Variants in AKR1C8 observed in about 807,000 individuals in gnomAD.
AKR1C8 encodes aldo-keto reductase family 1 member C8.
the AKR1C8 span, among the ~76,000 whole-genome samples, chr10:5,148,274 A>C: frequency 8.8e-4 from 134 of 152,216 alleles, 1 homozygote; most frequent in African/African-American, 3.1e-3. Context: ...GGGAAGGAGG[A>C]AAGTAAAAAT....
At chr10:5,143,773 T>A in the AKR1C8 span, among the ~76,000 whole-genome samples, 1 of 149,498 alleles carries the variant, frequency 6.7e-6, no homozygotes, top group African/African-American at 2.4e-5. Flanking sequence ...GATTTCTGTT[T>A]CTTTGGAGAA....
At chr10:5,153,747 G>A in the AKR1C8 span, among the ~76,000 whole-genome samples, 9 of 152,030 alleles carry the variant, frequency 5.9e-5, no homozygotes, top group South Asian at 2.1e-4. Context: ...GGTAAAGACC[G>A]CCCCTATGAT....
chr10:5,133,080 TTATTATTAC>T, the AKR1C8 span, among the ~76,000 whole-genome samples: 1 of 152,048 alleles, frequency 6.6e-6, no homozygotes, highest in Non-Finnish European at 1.5e-5. Flanking sequence ...AATATAGTCT[TTATTATTAC>T]TATTATTATT....
chr10:5,119,501 G>T, the AKR1C8 span, among the ~76,000 whole-genome samples: 2 of 152,122 alleles, frequency 1.3e-5, no homozygotes, highest in Non-Finnish European at 2.9e-5. Context: ...AATTATTCTG[G>T]AATGGATGAA....
chr10:5,155,497 C>G, the AKR1C8 span: 61 of 289,634 alleles, frequency 2.1e-4, no homozygotes, highest in South Asian at 2.0e-3. Flanking sequence ...AGACACATTT[C>G]TGCTGGGTCA....
At chr10:5,129,751 C>CA in the AKR1C8 span, among the ~76,000 whole-genome samples, 1 of 151,974 alleles carries the variant, frequency 6.6e-6, no homozygotes, top group East Asian at 1.9e-4. Flanking sequence ...AGACCAATAA[C>CA]AAGCACCAAG....
the AKR1C8 span, among the ~76,000 whole-genome samples, chr10:5,158,884 C>T: frequency 0.53 from 80,156 of 152,068 alleles, 22,129 homozygotes; most frequent in Non-Finnish European, 0.6. Flanking sequence ...TCATTTGCCA[C>T]ACTGATACAG....
At chr10:5,116,423 G>A in the AKR1C8 span, among the ~76,000 whole-genome samples, 25 of 152,242 alleles carry the variant, frequency 1.6e-4, no homozygotes, top group South Asian at 5.0e-3. Context: ...TAGGAGTTAT[G>A]CTGAGTGGTG....
the AKR1C8 span, among the ~76,000 whole-genome samples, chr10:5,125,843 A>G: frequency 6.6e-6 from 1 of 152,142 alleles, no homozygotes; most frequent in Admixed American, 6.5e-5. Context: ...CCTTGCCAAT[A>G]TTCCCCAGCA....
chr10:5,149,853 G>T, the AKR1C8 span, among the ~76,000 whole-genome samples: 1 of 151,640 alleles, frequency 6.6e-6, no homozygotes, highest in South Asian at 2.1e-4. Flanking sequence ...AATTCTGGAA[G>T]AATTAGGCGA....
At chr10:5,181,890 A>C in the AKR1C8 span, among the ~76,000 whole-genome samples, 6 of 152,154 alleles carry the variant, frequency 3.9e-5, no homozygotes, top group African/African-American at 1.4e-4. Context: ...GACTTTAACA[A>C]ACACTCTCAA....
the AKR1C8 span, among the ~76,000 whole-genome samples, chr10:5,171,498 A>G: frequency 6.6e-6 from 1 of 152,076 alleles, no homozygotes; most frequent in African/African-American, 2.4e-5. Context: ...ATATTTGACA[A>G]TGCTTTCTGC....
chr10:5,179,451 T>A, the AKR1C8 span, among the ~76,000 whole-genome samples: 1 of 152,162 alleles, frequency 6.6e-6, no homozygotes, highest in Non-Finnish European at 1.5e-5. Flanking sequence ...CTGACAATTA[T>A]GTATCTTGGA....
chr10:5,179,117 T>C, the AKR1C8 span, among the ~76,000 whole-genome samples: 12 of 152,314 alleles, frequency 7.9e-5, no homozygotes, highest in Non-Finnish European at 1.5e-4. Context: ...TGGCTGGTAC[T>C]GGTTGTTCCT....
chr10:5,116,152 C>G, the AKR1C8 span, among the ~76,000 whole-genome samples: 1 of 152,152 alleles, frequency 6.6e-6, no homozygotes, highest in South Asian at 2.1e-4. Flanking sequence ...CATACTCTTC[C>G]TTACCTCTGT....
the AKR1C8 span, among the ~76,000 whole-genome samples, chr10:5,135,527 C>CTAT: frequency 1.3e-5 from 2 of 152,018 alleles, no homozygotes; most frequent in African/African-American, 4.8e-5. Flanking sequence ...ATCTATCTAT[C>CTAT]TATCTGGCTA....
chr10:5,173,890 T>G, the AKR1C8 span, among the ~76,000 whole-genome samples: 1 of 152,130 alleles, frequency 6.6e-6, no homozygotes, highest in Non-Finnish European at 1.5e-5. Context: ...ACTAAATTAC[T>G]TTCCTCCACT....
chr10:5,130,469 A>G, the AKR1C8 span, among the ~76,000 whole-genome samples: 1 of 152,006 alleles, frequency 6.6e-6, no homozygotes, highest in Admixed American at 6.6e-5. Context: ...TGAAATTTGA[A>G]TAGAGGAAGT....
chr10:5,146,873 A>G, the AKR1C8 span, among the ~76,000 whole-genome samples: 2 of 152,198 alleles, frequency 1.3e-5, no homozygotes, highest in Admixed American at 6.5e-5. Flanking sequence ...TATGTCTGTG[A>G]TTATCGGGTA....
Sources: allele counts gnomAD v4.1 joint callset (sites outside exome capture counted in the v4.1 genomes callset), GRCh38; gene constraint gnomAD v4.1.1; transcripts MANE v1.5; gene names NCBI Gene and HGNC (gene_info 2026-07-23, HGNC 2026-07-21).